GARIN6: variants seen among roughly 807,000 people sequenced by gnomAD.
The protein encoded by GARIN6 is golgi associated RAB2 interactor family member 6, also known as Golgi-associated RAB2 interactor protein 6.
the GARIN6 span, chr12:99,649,189 T>C: frequency 1.1e-6 from 1 of 928,460 alleles, no homozygotes; most frequent in South Asian, 1.4e-5. Context: ...ACAACATGTT[T>C]GTGTACTTGT....
chr12:99,648,935 C>G, the GARIN6 span: 1 of 1,175,086 alleles, frequency 8.5e-7, no homozygotes, highest in Non-Finnish European at 1.2e-6. Flanking sequence ...CATTTGGAGG[C>G]CATGGTACAT....
At chr12:99,648,626 A>T in the GARIN6 span, 1 of 1,614,250 alleles carries the variant, frequency 6.2e-7, no homozygotes, top group Admixed American at 1.7e-5. Context: ...TTTTATCTTC[A>T]GCTGTGTCCT....
At chr12:99,648,476 G>A in the GARIN6 span, 2 of 1,614,116 alleles carry the variant, frequency 1.2e-6, no homozygotes, top group East Asian at 2.2e-5. Context: ...GCCAGGTGTG[G>A]TCCTGCCACC....
At chr12:99,648,416 C>T in the GARIN6 span, 29 of 1,614,192 alleles carry the variant, frequency 1.8e-5, no homozygotes, top group South Asian at 1.3e-4. Context: ...CCCTGCCTCA[C>T]ACTACCTGAT....
At chr12:99,648,070 T>C in the GARIN6 span, 4 of 1,482,988 alleles carry the variant, frequency 2.7e-6, no homozygotes, top group South Asian at 1.4e-5. Flanking sequence ...AGAACACGAC[T>C]GCTGGCCCAC....
chr12:99,648,176 T>C, the GARIN6 span: 3 of 1,610,096 alleles, frequency 1.9e-6, no homozygotes, highest in South Asian at 1.1e-5. Flanking sequence ...AAGGAAGACA[T>C]GGAGGACTGC....
chr12:99,648,831 G>A, the GARIN6 span: 2 of 1,569,170 alleles, frequency 1.3e-6, no homozygotes, highest in African/African-American at 2.7e-5. Context: ...GATGCTTTGG[G>A]GGAGAGCAGG....
chr12:99,648,037 T>C, the GARIN6 span: 1 of 1,231,204 alleles, frequency 8.1e-7, no homozygotes, highest in Non-Finnish European at 1.1e-6. Context: ...CTCAGTCACT[T>C]GGGGACAAAA....
At chr12:99,649,204 T>A in the GARIN6 span, 8 of 1,052,290 alleles carry the variant, frequency 7.6e-6, no homozygotes, top group Non-Finnish European at 1.2e-5. Flanking sequence ...ACTTGTGCAA[T>A]AATTTCTTTT....
the GARIN6 span, chr12:99,648,297 G>GT: frequency 6.2e-7 from 1 of 1,614,152 alleles, no homozygotes. Context: ...CTATATTCAG[G>GT]TATGCACCCA....
chr12:99,648,748 T>C, the GARIN6 span: 24 of 1,613,520 alleles, frequency 1.5e-5, no homozygotes, highest in East Asian at 6.7e-5. Context: ...TGGGAACACA[T>C]TGGACTCATC....
the GARIN6 span, chr12:99,647,787 T>C: frequency 2.0e-4 from 42 of 212,902 alleles, no homozygotes; most frequent in Middle Eastern, 2.1e-3. Flanking sequence ...AGAAGAGCAG[T>C]GGGATTGCCA....
chr12:99,649,206 ATTTC>A, the GARIN6 span: 5 of 1,080,880 alleles, frequency 4.6e-6, no homozygotes, highest in Non-Finnish European at 5.7e-6. Context: ...TTGTGCAATA[ATTTC>A]TTTTTGTTGT....
chr12:99,648,333 C>T, the GARIN6 span: 1 of 1,614,162 alleles, frequency 6.2e-7, no homozygotes, highest in Non-Finnish European at 8.5e-7. Flanking sequence ...TTATCCAGAT[C>T]AGCAAAAGAG....
chr12:99,649,280 C>A, the GARIN6 span: 1 of 1,608,748 alleles, frequency 6.2e-7, no homozygotes, highest in South Asian at 1.1e-5. Context: ...TATTTGTTCT[C>A]TCCCTAGGGA....
At chr12:99,649,526 GT>G in the GARIN6 span, 18 of 699,770 alleles carry the variant, frequency 2.6e-5, no homozygotes, top group Non-Finnish European at 3.9e-5. Flanking sequence ...ACCACCACAG[GT>G]ACCATGGATG....
At chr12:99,647,985 T>C in the GARIN6 span, 1 of 715,774 alleles carries the variant, frequency 1.4e-6, no homozygotes, top group South Asian at 2.0e-5. Flanking sequence ...TGACTGTCTC[T>C]GGCATTGAGC....
At chr12:99,648,611 GCT>G in the GARIN6 span, 53 of 1,614,048 alleles carry the variant, frequency 3.3e-5, no homozygotes, top group Non-Finnish European at 4.2e-5. Context: ...GCCACGGGCC[GCT>G]CTTTTTATCT....
At chr12:99,647,935 C>A in the GARIN6 span, 2 of 546,194 alleles carry the variant, frequency 3.7e-6, no homozygotes, top group Non-Finnish European at 6.4e-6. Context: ...CTCCTGACAG[C>A]TCCATGCACT....
Sources: allele counts gnomAD v4.1 joint callset, GRCh38; gene constraint gnomAD v4.1.1; transcripts MANE v1.5; gene names NCBI Gene and HGNC (gene_info 2026-07-23, HGNC 2026-07-21).